The following TNS1 variants were observed in gnomAD, a reference collection of about 807,000 sequenced individuals.
The protein encoded by TNS1 is tensin 1, also known as tensin-1.
Under a neutral mutation model 168.6 loss-of-function variants are expected in TNS1, and 62 were observed. The observed-to-expected ratio is 0.37, with a 90% confidence interval of 0.30 to 0.45. TNS1 has a LOEUF of 0.45. TNS1 is among the 20% of genes least tolerant of loss of function. The probability of loss-of-function intolerance (pLI) is 1.00; values close to 1 mark genes in which losing one functional copy is unlikely to be tolerated. For synonymous variants in TNS1, 934 were observed against 933.2 expected (o/e 1.00, Z -0.02); for missense variants, 2,240 against 2,339.4 (o/e 0.96, Z 0.88).
chr2:217,916,363 G>A (rs916701879), intron 4 of TNS1, among the ~76,000 whole-genome samples: 8 of 151,582 alleles, frequency 5.3e-5, no homozygotes, highest in African/African-American at 1.9e-4. Context: ...CCCCTGTGCT[G>A]GGCCTGCCTG....
At chr2:217,827,873 A>G (rs1943836692) in intron 22 of TNS1, among the ~76,000 whole-genome samples, 1 of 152,218 alleles carries the variant, frequency 6.6e-6, no homozygotes. Context: ...ACGCCCCTGA[A>G]GTCACCCCAA....
In TNS1 at chr2:217,817,850, TC is replaced by T. The variant is rs1387538958; in HGVS notation, c.4481del (p.Arg1494GlnfsTer64). On this transcript the variant is annotated frameshift_variant, in exon 24 of 33. Transcript: ENST00000682258. LOFTEE classifies it high-confidence loss of function. Reference protein sequence around the residue: ...GSPTPALPEKRRMSVGDRAGS... With the variant: ...GSPTPALPEKXRMSVGDRAGS... Reference sequence around the variant, plus strand: ...CTGCCCGGTCTCCCACTGACATCCTTCGCTTCTCTGGCAAGGCTGGTGTTGG... The same window carrying T: ...CTGCCCGGTCTCCCACTGACATCCTTGCTTCTCTGGCAAGGCTGGTGTTGG... 1 of 1,614,200 alleles carries T rather than the reference TC, an allele frequency of 6.2e-7. No homozygotes were observed.
chr2:217,806,932 C>T (rs781269598), intron 32 of TNS1, among the ~76,000 whole-genome samples: 1 of 152,246 alleles, frequency 6.6e-6, no homozygotes, highest in Non-Finnish European at 1.5e-5. Context: ...TACTCCCATT[C>T]TCATTTTGAC....
chr2:217,800,821 G>A lies in TNS1; in HGVS notation c.*3638C>T, dbSNP rs1301149900. ...GTAGGAGTGAGACTAAAAAGTGGGA[G>A]TGAGACTAGATTTGATCACACTCAC... On this transcript the variant is annotated 3_prime_UTR_variant, in exon 33 of 33. Transcript: ENST00000682258. The A allele has an allele frequency of 6.6e-6, 1 of 152,214 alleles. No individual in the cohort carries two copies. The highest frequency in any genetic ancestry group is 2.4e-5 in the African/African-American group (1 of 41,444). 9.4% of individuals were successfully genotyped at this position (152,214 alleles called of 1,614,324 possible).
At chr2:218,029,585 C>G (rs142853450) in intron 1 of TNS1, among the ~76,000 whole-genome samples, 1 of 152,210 alleles carries the variant, frequency 6.6e-6, no homozygotes, top group Non-Finnish European at 1.5e-5. Context: ...TGAGAAGGAA[C>G]GCTCAAGACC....
At chr2:217,870,468 T>C (rs1272836593) in intron 18 of TNS1, among the ~76,000 whole-genome samples, 2 of 152,216 alleles carry the variant, frequency 1.3e-5, no homozygotes, top group Non-Finnish European at 2.9e-5. Context: ...TTAAATTCCT[T>C]TTATTGGATA....
chr2:217,941,982 T>C (rs1047743163), intron 3 of TNS1, among the ~76,000 whole-genome samples: 2 of 152,106 alleles, frequency 1.3e-5, no homozygotes, highest in African/African-American at 4.8e-5. Flanking sequence ...CAGAAGTTGG[T>C]CTGCAAAACA....
At chr2:218,012,329 C>G (rs990494295), upstream of TNS1, among the ~76,000 whole-genome samples, 2 of 152,172 alleles carry the variant, frequency 1.3e-5, no homozygotes, top group Non-Finnish European at 2.9e-5. Flanking sequence ...GACAACATGA[C>G]TTTTAAGAAA....
chr2:217,904,728 C>G (rs1287417129), intron 6 of TNS1, among the ~76,000 whole-genome samples: 2 of 152,310 alleles, frequency 1.3e-5, no homozygotes, highest in South Asian at 2.1e-4. Flanking sequence ...CACACTCTTG[C>G]AATCAAAAGT....
rs1958450873 is a variant in TNS1 at position 217,995,414 on chromosome 2, C to A, written c.34-4358G>T. 6.6e-6 allele frequency among the ~76,000 whole-genome samples: 1 copy of A among 151,958 alleles called. No homozygotes were observed. Among genetic ancestry groups the A allele is most frequent in the Admixed American group, 6.6e-5 (1 of 15,264 alleles). Reference sequence around the variant, plus strand: ...CAAAACCAAAACCAGGGGGCAGGCACTGCAAGAAGGCATAATGAGACTCAG... The same window carrying A: ...CAAAACCAAAACCAGGGGGCAGGCAATGCAAGAAGGCATAATGAGACTCAG... On this transcript the variant is annotated intron_variant, in intron 1 of 32. Coordinates refer to ENST00000682258, the MANE Select transcript of TNS1 (RefSeq NM_001387777.1). This position sits in a 1 kb window ranked among gnomAD's most constrained non-coding sequence, Gnocchi z 4.1.
At chr2:217,828,592 A>C (rs1358282956) in intron 22 of TNS1, among the ~76,000 whole-genome samples, 1 of 151,988 alleles carries the variant, frequency 6.6e-6, no homozygotes, top group African/African-American at 2.4e-5. Context: ...ACTTTGTTTC[A>C]CCTGCTGGTT....
rs183752975 is a variant in TNS1, at chr2:217,823,736, G to T, written c.3374-1798C>A. Among the ~76,000 whole-genome samples the T allele has an allele frequency of 8.4e-3, 1,278 of 152,308 alleles. 39 individuals carry two copies. Among genetic ancestry groups the T allele is most frequent in the Admixed American group, 0.063 (957 of 15,294 alleles). On this transcript the variant is annotated intron_variant, in intron 22 of 32. Transcript: ENST00000682258. ...ACCCAACAGCAAGACAGTGGACAAGGCTGGGGCAGTTTGTCTGCAAAGAGG... is the reference window on the plus strand; with the variant it reads ...ACCCAACAGCAAGACAGTGGACAAGTCTGGGGCAGTTTGTCTGCAAAGAGG...
At chr2:217,903,515 T>C in intron 6 of TNS1, 1 of 1,473,218 alleles carries the variant, frequency 6.8e-7, no homozygotes, top group Non-Finnish European at 9.0e-7. Flanking sequence ...GCTTTGAACT[T>C]CTTCCTGGCT....
intron 3 of TNS1, among the ~76,000 whole-genome samples, 168 bp from the exon 4 acceptor site, chr2:217,920,404 T>A (rs879301621): frequency 6.6e-6 from 1 of 152,006 alleles, no homozygotes; most frequent in Admixed American, 6.6e-5. Flanking sequence ...GAAAAACTAC[T>A]CCAGCAATAA....
At chr2:217,883,677 T>C (rs923858907) in intron 16 of TNS1, among the ~76,000 whole-genome samples, 2 of 152,228 alleles carry the variant, frequency 1.3e-5, no homozygotes, top group Non-Finnish European at 2.9e-5. Flanking sequence ...ATCCCTTATT[T>C]ATTTGATCAG....
intron 1 of TNS1, among the ~76,000 whole-genome samples, chr2:218,001,364 C>T (rs1048104012): frequency 2.0e-5 from 3 of 152,066 alleles, no homozygotes; most frequent in African/African-American, 4.8e-5. Context: ...ATTTCACCAA[C>T]GGGAAAGCAG....
chr2:218,033,732 A>G lies in TNS1; in HGVS notation c.156+88T>C, dbSNP rs577931488. Among the ~76,000 whole-genome samples the G allele has an allele frequency of 1.3e-4, 20 of 152,200 alleles. No individual in the cohort carries two copies. The highest frequency in any genetic ancestry group is 2.1e-4 in the Non-Finnish European group (14 of 67,984). ...AGACTAGCACCGTCCTGGGCTGGCT[A>G]CTTAACCTGTGTCAGGTGCCCTGGG... is the stretch of plus-strand genomic sequence containing the variant. On this transcript the variant is annotated intron_variant, in intron 1 of 1. Coordinates refer to the TNS1 transcript ENST00000649572. The surrounding 1 kb of genome is among the most constrained non-coding windows in gnomAD (Gnocchi z 4.3).
intron 18 of TNS1, among the ~76,000 whole-genome samples, chr2:217,871,644 C>T (rs1949784741): frequency 6.6e-6 from 1 of 152,280 alleles, no homozygotes; most frequent in Admixed American, 6.5e-5. Context: ...CACGAGTTCT[C>T]TCCCACAGCC....
At chr2:217,842,293 T>C in intron 19 of TNS1, 1 of 553,872 alleles carries the variant, frequency 1.8e-6, no homozygotes. Context: ...ATCCAACCAC[T>C]GCAGATGTTT....
Sources: gnomAD v4.1 joint callset for allele counts (sites outside exome capture counted in the v4.1 genomes callset) on GRCh38, gnomAD v4.1.1 for gene constraint, Gnocchi (gnomAD v3.1) non-coding constraint, MANE v1.5 for transcripts, NCBI Gene and HGNC (gene_info 2026-07-23, HGNC 2026-07-21) for gene names.